CHD7: variants seen among roughly 807,000 people sequenced by gnomAD.
CHD7 encodes the protein ATP-dependent chromatin remodeler CHD7.
In CHD7, 24 loss-of-function variants were observed where a neutral mutation model predicts 307.3. The ratio of observed to expected loss-of-function variants is 0.08; its 90% CI spans 0.06 to 0.11. The LOEUF is 0.11. CHD7 is among the 10% of genes least tolerant of loss of function. The pLI is 1.00. For missense variants in CHD7, 3,106 were observed against 3,727.1 expected (o/e 0.83, Z 4.34); for synonymous variants, 1,363 against 1,349.9 (o/e 1.01, Z -0.21).
intron 3 of CHD7, among the ~76,000 whole-genome samples, chr8:60,788,692 G>A (rs573029185): frequency 6.6e-6 from 1 of 152,300 alleles, no homozygotes; most frequent in South Asian, 2.1e-4. Flanking sequence ...GGGTGCCTGA[G>A]GCTGCTGGGT....
Position 60,776,405 on chromosome 8 carries a change from A to G in CHD7, c.1666-4595A>G, listed in dbSNP as rs116810850. 4.7e-3 allele frequency among the ~76,000 whole-genome samples: 715 copies of G among 152,302 alleles called. 10 individuals are homozygous for G. The highest frequency in any genetic ancestry group is 0.016 in the African/African-American group (665 of 41,558). ...TTCAAACTACTATCCGCTCATCTTG[A>G]TCTCCTCCCTTACAAAGCAGATTTT... On this transcript the variant is annotated intron_variant, in intron 2 of 37. Coordinates refer to ENST00000423902, the MANE Select transcript of CHD7 (RefSeq NM_017780.4).
In CHD7 at chr8:60,856,414, GC is replaced by G. The variant is rs758353645; in HGVS notation, c.7165-30del. On this transcript the variant is annotated intron_variant, in intron 33 of 37. Transcript: ENST00000423902. ...TATAGCAGTACTGTTTTGGCTCACT[GC>G]AACTCTGTTCTGTTGGAATTTTTCA... 25 of 1,575,962 alleles carry G rather than the reference GC, an allele frequency of 1.6e-5. No homozygotes were observed. The African/African-American group carries it at 2.4e-4, about 15-fold the overall frequency.
intron 1 of CHD7, among the ~76,000 whole-genome samples, chr8:60,715,761 AAAAACAAAAC>A (rs145810726): frequency 0.089 from 13,531 of 152,092 alleles, 693 homozygotes; most frequent in East Asian, 0.2. Flanking sequence ...TCTACCTTAG[AAAAACAAAAC>A]AAAACAAAAC....
chr8:60,828,707 G>C lies in CHD7; in HGVS notation c.3423G>C (p.Val1141=). ...CGGGAACCCCACTCCAGAACACTGTGGAAGAACTCTTCAGCTTGCTTCATT... is the reference window on the plus strand; with the variant it reads ...CGGGAACCCCACTCCAGAACACTGTCGAAGAACTCTTCAGCTTGCTTCATT... ...LLTGTPLQNT[V]EELFSLLHFL... is the part of the protein sequence containing the mutation. Residue 1141 remains valine (V), a synonymous_variant, in exon 14 of 38, where the codon GTG becomes GTC. Transcript: ENST00000423902. 6.2e-7 allele frequency: 1 copy of C among 1,613,176 alleles called. No homozygotes were observed. The highest frequency in any genetic ancestry group is 8.5e-7 in the Non-Finnish European group (1 of 1,179,514).
At chr8:60,801,036 AAAT>A (rs1194677418) in intron 5 of CHD7, among the ~76,000 whole-genome samples, 1 of 152,236 alleles carries the variant, frequency 6.6e-6, no homozygotes, top group Non-Finnish European at 1.5e-5. Context: ...TTTTCTAAAA[AAAT>A]AATGCTTTTT....
intron 9 of CHD7, among the ~76,000 whole-genome samples, chr8:60,820,309 A>G (rs1026714505): frequency 3.3e-5 from 5 of 152,378 alleles, no homozygotes; most frequent in Admixed American, 1.3e-4. Context: ...TTTTTAAAAA[A>G]TTGATTTTCA....
At chr8:60,688,116 C>T (rs542153899) in intron 1 of CHD7, among the ~76,000 whole-genome samples, 2 of 152,206 alleles carry the variant, frequency 1.3e-5, no homozygotes, top group East Asian at 3.8e-4. Flanking sequence ...AGGTCCTTGC[C>T]TTTCACACTT....
rs146188560 is a variant in CHD7 at position 60,817,604 on chromosome 8, C to T, written c.2613+1103C>T. Among the ~76,000 whole-genome samples, 664 of 152,180 alleles carry T rather than the reference C, an allele frequency of 4.4e-3. 2 individuals are homozygous for T. The highest frequency in any genetic ancestry group is 7.0e-3 in the Non-Finnish European group (473 of 68,012). On this transcript the variant is annotated intron_variant, in intron 8 of 37. Transcript: ENST00000423902. ...ATTTTTGGCAGTGCAGTGTTTAGGA[C>T]CGAGTGGAATGGAGTTACTCGAATG... is the stretch of plus-strand genomic sequence containing the variant.
intron 1 of CHD7, among the ~76,000 whole-genome samples, chr8:60,699,690 C>T (rs1806662148): frequency 6.6e-6 from 1 of 150,754 alleles, no homozygotes; most frequent in South Asian, 2.1e-4. Context: ...AGGGCAAGAC[C>T]TTAAGGAGTT....
chr8:60,737,704 T>G (rs540094348), intron 1 of CHD7, among the ~76,000 whole-genome samples: 2 of 152,236 alleles, frequency 1.3e-5, no homozygotes, highest in Non-Finnish European at 2.9e-5. Flanking sequence ...AATTACTATG[T>G]CTCCATTATA....
intron 16 of CHD7, among the ~76,000 whole-genome samples, chr8:60,836,574 G>C (rs933050321): frequency 7.2e-5 from 11 of 152,130 alleles, no homozygotes; most frequent in Admixed American, 6.5e-5. Flanking sequence ...TGTTATAGGT[G>C]TCAGCTGTTT....
At chr8:60,686,283 G>T (rs1185806080) in intron 1 of CHD7, among the ~76,000 whole-genome samples, 2 of 151,992 alleles carry the variant, frequency 1.3e-5, no homozygotes, top group Admixed American at 6.5e-5. Flanking sequence ...CTTCAGATGG[G>T]CTTGTGCCAA....
chr8:60,866,165 C>T lies in CHD7; in HGVS notation c.*232C>T, dbSNP rs990620475. ...GGAGAGATGAAATTTGAGAGGTGAT[C>T]ATGTCTTTTTAAGGAAACTTACATA... On this transcript the variant is annotated 3_prime_UTR_variant, in exon 38 of 38. Coordinates refer to ENST00000423902, the MANE Select transcript of CHD7 (RefSeq NM_017780.4). The T allele has an allele frequency of 5.2e-6, 2 of 382,708 alleles. No individual in the cohort carries two copies. Among genetic ancestry groups the T allele is most frequent in the Non-Finnish European group, 4.7e-6 (1 of 214,250 alleles). 23.7% of individuals were successfully genotyped at this position (382,708 alleles called of 1,614,324 possible).
chr8:60,856,371 T>C (rs1432489447), intron 33 of CHD7, 74 bp from the exon 34 acceptor site: 1 of 1,415,578 alleles, frequency 7.1e-7, no homozygotes, highest in Non-Finnish European at 9.4e-7. Flanking sequence ...TTGTTCCTTA[T>C]TTCTAAAAGC....
At chr8:60,749,546 A>G (rs1469203240) in intron 2 of CHD7, among the ~76,000 whole-genome samples, 3 of 152,156 alleles carry the variant, frequency 2.0e-5, no homozygotes, top group Admixed American at 6.6e-5. Context: ...TATCTTGTCA[A>G]TACTACCTTT....
Position 60,781,449 on chromosome 8 carries a change from A to G in CHD7, c.2096+19A>G. 1 of 1,507,280 alleles carries G rather than the reference A, an allele frequency of 6.6e-7. No homozygotes were observed. Among genetic ancestry groups the G allele is most frequent in the Non-Finnish European group, 8.8e-7 (1 of 1,135,202 alleles). 93.4% of individuals were successfully genotyped at this position (1,507,280 alleles called of 1,614,324 possible). ...AGTCAAGGTAGGCTGTGGGCAGAAAAAACAACTGCAAAACATTGAGAGTAC... is the reference window on the plus strand; with the variant it reads ...AGTCAAGGTAGGCTGTGGGCAGAAAGAACAACTGCAAAACATTGAGAGTAC... On this transcript the variant is annotated intron_variant, in intron 3 of 37. Coordinates refer to ENST00000423902, the MANE Select transcript of CHD7 (RefSeq NM_017780.4).
At chr8:60,843,026 C>T (rs1032200148) in intron 21 of CHD7, among the ~76,000 whole-genome samples, 1 of 152,210 alleles carries the variant, frequency 6.6e-6, no homozygotes, top group African/African-American at 2.4e-5. Context: ...GGGTGTCCGA[C>T]GCAGGCATCA....
chr8:60,738,760 G>A (rs2150573323), intron 1 of CHD7, among the ~76,000 whole-genome samples: 1 of 152,258 alleles, frequency 6.6e-6, no homozygotes, highest in East Asian at 1.9e-4. Context: ...AGACTGCAAA[G>A]CCAGTTTTTG....
At chr8:60,746,066 C>T (rs906462939) in intron 2 of CHD7, among the ~76,000 whole-genome samples, 1 of 152,118 alleles carries the variant, frequency 6.6e-6, no homozygotes, top group Admixed American at 6.5e-5. Flanking sequence ...GATGAAGTCT[C>T]ACTCTGTTGC....
Sources: allele counts gnomAD v4.1 joint callset (sites outside exome capture counted in the v4.1 genomes callset), GRCh38; gene constraint gnomAD v4.1.1; transcripts MANE v1.5; gene names NCBI Gene and HGNC (gene_info 2026-07-23, HGNC 2026-07-21).